Variants in KRT222 observed in about 807,000 individuals in gnomAD.
The protein encoded by KRT222 is keratin 222, also known as keratin-like protein KRT222.
A neutral mutation model predicts 35.0 loss-of-function variants in KRT222; 23 were observed. The ratio of observed to expected loss-of-function variants is 0.66; its 90% CI spans 0.47 to 0.93. KRT222 has a LOEUF of 0.93. Among genes scored for constraint, KRT222 ranks in the 40% least tolerant of loss-of-function variants. KRT222 has a pLI of 0.00. For missense variants in KRT222, 339 were observed against 346.3 expected, an observed-to-expected ratio of 0.98 and a Z score of 0.17; for synonymous variants, 108 against 118.8, an observed-to-expected ratio of 0.91 and a Z score of 0.59.
At chr17:40,657,210 C>CAAA (rs34128971) in intron 5 of KRT222, 142 bp downstream of exon 5, 116,747 of 373,322 alleles carry the variant, frequency 0.31, 13,154 homozygotes, top group Non-Finnish European at 0.33. Context: ...GACTCAATCT[C>CAAA]AAAAAAAAAA....
Position 40,656,536 on chromosome 17 carries a change from C to A in KRT222, c.754G>T (p.Asp252Tyr), listed in dbSNP as rs182844934. 1.2e-6 allele frequency: 2 copies of A among 1,613,626 alleles called. No individual in the cohort carries two copies. The highest frequency in any genetic ancestry group is 4.5e-5 in the East Asian group (2 of 44,830). The change falls in exon 6 of 6, where the codon GAT becomes TAT. Residue 252 changes from aspartate to tyrosine, a missense_variant. Transcript: ENST00000394052. ...LRKKSVSLRF[D>Y]LHLAATDEGC... is the part of the protein sequence containing the mutation. ...TCATCAGTGGCTGCTAAATGAAGAT[C>A]AAATCGAAGAGAAACAGACTTTTTC...
intron 1 of KRT222, 112 bp downstream of exon 1, chr17:40,664,892 A>G (rs1374619808): frequency 6.4e-7 from 1 of 1,553,124 alleles, no homozygotes; most frequent in African/African-American, 1.4e-5. Context: ...CTTCCCCAAT[A>G]GATGCTGCAT....
rs1431484701 is a variant in KRT222 at position 40,665,175 on chromosome 17, C to T, written c.-76G>A. 2.9e-6 allele frequency: 4 copies of T among 1,382,788 alleles called. No individual in the cohort carries two copies. The highest frequency in any genetic ancestry group is 2.3e-5 in the East Asian group (1 of 43,772). 85.7% of individuals were successfully genotyped at this position (1,382,788 alleles called of 1,614,324 possible). On this transcript the variant is annotated 5_prime_UTR_variant, in exon 1 of 6. Transcript: ENST00000394052. ...TCGCTGCGGCAGTCTGCTCGGTCTG[C>T]GCGGAAGGCAGGGAGCCTCGCAGAG...
At position 40,656,250 on chromosome 17, in the gene KRT222, T is replaced by C; in HGVS notation, c.*152A>G. The C allele has an allele frequency of 5.1e-6, 3 of 586,496 alleles. No individual in the cohort carries two copies. The highest frequency in any genetic ancestry group is 9.1e-6 in the Non-Finnish European group (3 of 329,596). The allele number at this position is 586,496 out of a possible 1,614,324, so 36.3% of individuals were successfully genotyped here. A position where few individuals can be genotyped will look rare whatever the true frequency, so the allele number is the denominator to read the frequency against. ...CATAATTAGATTCAGAGAAATGTCC[T>C]TTATTGTTTTTTTCTTCTGAAGAGA... On this transcript the variant is annotated 3_prime_UTR_variant, in exon 6 of 6. Transcript: ENST00000394052.
intron 2 of KRT222, 136 bp from the exon 3 acceptor site, chr17:40,660,343 T>C (rs2008469): frequency 0.68 from 439,464 of 648,130 alleles, 151,162 homozygotes; most frequent in African/African-American, 0.83. Context: ...TGCAATGCCA[T>C]GATCTCGGTT....
At chr17:40,658,017 A>G (rs1160785266) in intron 3 of KRT222, among the ~76,000 whole-genome samples, 1 of 152,210 alleles carries the variant, frequency 6.6e-6, no homozygotes, top group Non-Finnish European at 1.5e-5. Context: ...TACCATAAAT[A>G]AATGTATGGG....
rs759752785 is a variant in KRT222, at chr17:40,657,694, ACT to A, written c.501_502del (p.Arg167SerfsTer12). 5 of 1,612,630 alleles carry A rather than the reference ACT, an allele frequency of 3.1e-6. No individual in the cohort carries two copies. The highest frequency in any genetic ancestry group is 4.2e-6 in the Non-Finnish European group (5 of 1,179,240). On this transcript the variant is annotated frameshift_variant, in exon 4 of 6. Transcript: ENST00000394052. LOFTEE classifies it high-confidence loss of function. The stretch of plus-strand genomic sequence containing the variant: ...CTCACCTGATGGTAAAACAAAACCA[ACT>A]CTACTTGTGGTAGGCTTTTTGTCTT...
Position 40,657,498 on chromosome 17 carries a change from A to C in KRT222, c.524-11T>G, listed in dbSNP as rs760278013. On this transcript the variant is annotated splice_polypyrimidine_tract_variant and intron_variant, in intron 4 of 5. Coordinates refer to ENST00000394052, the MANE Select transcript of KRT222 (RefSeq NM_152349.3). ...TTTCATTTATAATGGCTGTGAAAAT[A>C]TCATTTATGATATATTAAATTACAG... 6.4e-7 allele frequency: 1 copy of C among 1,566,706 alleles called. No homozygotes were observed.
chr17:40,662,849 A>G (rs1442404704), intron 1 of KRT222, among the ~76,000 whole-genome samples: 1 of 152,150 alleles, frequency 6.6e-6, no homozygotes, highest in African/African-American at 2.4e-5. Flanking sequence ...AGAACAATGT[A>G]TAGAATTGAT....
At chr17:40,657,102 C>T (rs563630772) in intron 5 of KRT222, 19 of 232,124 alleles carry the variant, frequency 8.2e-5, no homozygotes, top group African/African-American at 2.1e-4. Flanking sequence ...GTCCCAGCTA[C>T]GTGGGAGGCT....
chr17:40,659,990 A>C lies in KRT222; in HGVS notation c.443T>G (p.Ile148Ser). ...TTAACTAAATGGATTTAGGTACCTG[A>C]TTTCTTCTTTTTCTAGGAGGTGGCG... ...TYRHLLEKEE[I>S]RYYGCIQGGK... Residue 148 changes from isoleucine (I) to serine (S), a missense_variant, in exon 3 of 6, where the codon ATC becomes AGC. Physicochemically the swap from Ile to Ser is moderately radical, Grantham distance 142. Coordinates refer to ENST00000394052, the MANE Select transcript of KRT222 (RefSeq NM_152349.3). 1 of 1,613,376 alleles carries C rather than the reference A, an allele frequency of 6.2e-7. No homozygotes were observed. Among genetic ancestry groups the C allele is most frequent in the Non-Finnish European group, 8.5e-7 (1 of 1,179,646 alleles).
intron 1 of KRT222, among the ~76,000 whole-genome samples, chr17:40,663,088 A>G (rs796273403): frequency 1.4e-4 from 21 of 152,322 alleles, no homozygotes; most frequent in African/African-American, 5.1e-4. Flanking sequence ...TCAGGCAGCA[A>G]GCAACACCTA....
intron 3 of KRT222, 121 bp from the exon 4 acceptor site, chr17:40,657,871 T>A (rs554682167): frequency 1.5e-6 from 1 of 652,390 alleles, no homozygotes; most frequent in East Asian, 2.6e-5. Context: ...TGAAAAGAAA[T>A]GAACTAAGGC....
Position 40,656,110 on chromosome 17 carries a change from T to C in KRT222, c.*292A>G. The C allele has an allele frequency of 4.2e-6, 1 of 239,218 alleles. No individual in the cohort carries two copies. Among genetic ancestry groups the C allele is most frequent in the Non-Finnish European group, 8.0e-6 (1 of 125,256 alleles). 14.8% of individuals were successfully genotyped at this position (239,218 alleles called of 1,614,324 possible). A position where few individuals can be genotyped will look rare whatever the true frequency, so the allele number is the denominator to read the frequency against. ...TAATGCTTACAGTCTCTGATGAAGTTTCAAGGGAAAAAGAAGACTATTGGG... is the reference window on the plus strand; with the variant it reads ...TAATGCTTACAGTCTCTGATGAAGTCTCAAGGGAAAAAGAAGACTATTGGG... On this transcript the variant is annotated 3_prime_UTR_variant, in exon 6 of 6. Coordinates refer to ENST00000394052, the MANE Select transcript of KRT222 (RefSeq NM_152349.3).
chr17:40,661,263 T>C (rs1357893685), intron 2 of KRT222, among the ~76,000 whole-genome samples: 2 of 151,422 alleles, frequency 1.3e-5, no homozygotes, highest in East Asian at 1.9e-4. Context: ...TTCTTTCTTT[T>C]TTTTTTTCCT....
chr17:40,661,058 C>T (rs921572303), intron 2 of KRT222, among the ~76,000 whole-genome samples: 1 of 151,792 alleles, frequency 6.6e-6, no homozygotes, highest in African/African-American at 2.4e-5. Flanking sequence ...GATTCTCGTG[C>T]CTCAGCCTCC....
Position 40,661,897 on chromosome 17 carries a change from C to A in KRT222, c.225+19G>T, listed in dbSNP as rs754388698. ...ATCTGAGGACTCGATGGGTCGGTTA[C>A]TTTTGGGATCATTCTCACCACAGCA... On this transcript the variant is annotated intron_variant, in intron 2 of 5. Transcript: ENST00000394052. 2 of 1,611,268 alleles carry A rather than the reference C, an allele frequency of 1.2e-6. No individual in the cohort carries two copies. The highest frequency in any genetic ancestry group is 2.7e-5 in the African/African-American group (2 of 74,870).
chr17:40,660,151 C>A lies in KRT222; in HGVS notation c.282G>T (p.Leu94=), dbSNP rs1157001752. ...HASEQHYQMQ[L]QDLETVIEGL... Reference sequence around the variant, plus strand: ...CTTCAATCACAGTCTCTAGGTCTTGCAGCTGCATCTGGTAATGCTGCTCGC... The same window carrying A: ...CTTCAATCACAGTCTCTAGGTCTTGAAGCTGCATCTGGTAATGCTGCTCGC... The change falls in exon 3 of 6, where the codon CTG becomes CTT. Residue 94 remains leucine (L), a synonymous_variant. Coordinates refer to ENST00000394052, the MANE Select transcript of KRT222 (RefSeq NM_152349.3). 4.3e-6 allele frequency: 7 copies of A among 1,614,028 alleles called. No homozygotes were observed. The highest frequency in any genetic ancestry group is 5.9e-6 in the Non-Finnish European group (7 of 1,180,024).
intron 1 of KRT222, among the ~76,000 whole-genome samples, chr17:40,662,721 TCTC>T (rs1364324733): frequency 3.9e-5 from 6 of 152,292 alleles, no homozygotes; most frequent in African/African-American, 1.2e-4. Flanking sequence ...TTCTAAATAT[TCTC>T]CTATTAAAAA....
Sources: gnomAD v4.1 joint callset for allele counts (sites outside exome capture counted in the v4.1 genomes callset) on GRCh38, gnomAD v4.1.1 for gene constraint, MANE v1.5 for transcripts, NCBI Gene and HGNC (gene_info 2026-07-23, HGNC 2026-07-21) for gene names.